The following WDPCP variants were observed in gnomAD, a reference collection of about 807,000 sequenced individuals.
WDPCP encodes the protein WD repeat-containing and planar cell polarity effector protein fritz homolog.
In WDPCP, 71 loss-of-function variants were observed where a neutral mutation model predicts 93.1. The ratio of observed to expected loss-of-function variants is 0.76; its 90% CI spans 0.63 to 0.93. The LOEUF is 0.93. WDPCP is among the 40% of genes least tolerant of loss of function. WDPCP has a pLI of 0.00. For synonymous variants in WDPCP, 315 were observed against 315.0 expected (o/e 1.00, Z 0.00); for missense variants, 844 against 887.4 (o/e 0.95, Z 0.62).
intron 2 of WDPCP, among the ~76,000 whole-genome samples, chr2:63,681,093 G>A (rs1469295540): frequency 6.6e-6 from 1 of 152,126 alleles, no homozygotes; most frequent in African/African-American, 2.4e-5. Context: ...CCGGCTTCAG[G>A]TGAGACCCAG....
chr2:63,129,668 G>A (rs1350396395), intron 17 of WDPCP, among the ~76,000 whole-genome samples: 1 of 151,896 alleles, frequency 6.6e-6, no homozygotes, highest in Non-Finnish European at 1.5e-5. Flanking sequence ...TCTATATTCT[G>A]GTTATTTGTC....
intron 12 of WDPCP, among the ~76,000 whole-genome samples, chr2:63,323,453 C>T (rs1687279706): frequency 6.6e-6 from 1 of 152,210 alleles, no homozygotes; most frequent in Non-Finnish European, 1.5e-5. Context: ...CCTCCTCAGA[C>T]TAGCAGGCCT....
intron 15 of WDPCP, among the ~76,000 whole-genome samples, chr2:63,164,935 A>AC (rs1374970826): frequency 6.6e-5 from 10 of 152,210 alleles, no homozygotes; most frequent in African/African-American, 2.2e-4. Flanking sequence ...ATACCTACTT[A>AC]ACACAAGAGA....
At chr2:63,373,229 T>TTTTC in intron 12 of WDPCP, among the ~76,000 whole-genome samples, 1 of 148,750 alleles carries the variant, frequency 6.7e-6, no homozygotes, top group South Asian at 2.1e-4. Context: ...GACATTTAAA[T>TTTTC]TTTCTTTGTT....
chr2:63,683,282 AATAAAAAGACATAGG>A (rs1386532655), intron 2 of WDPCP, among the ~76,000 whole-genome samples: 2 of 152,192 alleles, frequency 1.3e-5, no homozygotes, highest in Non-Finnish European at 2.9e-5. Flanking sequence ...TATACTCTTC[AATAAAAAGACATAGG>A]GTGGCTGAAT....
chr2:63,159,861 A>G (rs545848505), intron 15 of WDPCP, among the ~76,000 whole-genome samples: 1 of 152,216 alleles, frequency 6.6e-6, no homozygotes, highest in Non-Finnish European at 1.5e-5. Context: ...ACCTTGGGGT[A>G]AGCCCTGGAG....
At chr2:63,199,442 C>T (rs546387931) in intron 14 of WDPCP, among the ~76,000 whole-genome samples, 5 of 152,294 alleles carry the variant, frequency 3.3e-5, no homozygotes, top group East Asian at 3.9e-4. Flanking sequence ...TGCTCTGTGC[C>T]GCCTCCAGAC....
intron 10 of WDPCP, among the ~76,000 whole-genome samples, chr2:63,399,092 C>T (rs1693958578): frequency 6.6e-6 from 1 of 152,064 alleles, no homozygotes; most frequent in Non-Finnish European, 1.5e-5. Context: ...TTTAAAAAAT[C>T]CTTGGAAATT....
chr2:63,229,089 C>A (rs1171143221), intron 14 of WDPCP: 2 of 152,192 alleles, frequency 1.3e-5, no homozygotes, highest in East Asian at 1.9e-4. Context: ...TCCTCTCCAG[C>A]ACATGTTGTT....
At chr2:63,484,537 T>A in intron 6 of WDPCP, 67 bp downstream of exon 6, 2 of 1,579,106 alleles carry the variant, frequency 1.3e-6, no homozygotes, top group Non-Finnish European at 1.7e-6. Flanking sequence ...AACACAAGAA[T>A]ACCAATTACT....
At chr2:63,502,840 T>C (rs1375002384) in intron 1 of WDPCP, among the ~76,000 whole-genome samples, 2 of 151,818 alleles carry the variant, frequency 1.3e-5, no homozygotes, top group African/African-American at 4.8e-5. Context: ...GCTAGTGCTG[T>C]GCAAAGTGCC....
intron 3 of WDPCP, chr2:63,605,188 A>G: frequency 1.2e-6 from 1 of 832,518 alleles, no homozygotes; most frequent in Non-Finnish European, 2.0e-6. Flanking sequence ...AGCTCTGGTC[A>G]TAGCTTTTCA....
At chr2:63,692,106 C>T (rs1325269581) in intron 2 of WDPCP, among the ~76,000 whole-genome samples, 2 of 152,104 alleles carry the variant, frequency 1.3e-5, no homozygotes, top group Non-Finnish European at 2.9e-5. Flanking sequence ...AGATTTCTAG[C>T]TCTACTCTTA....
At position 63,251,618 on chromosome 2, in the gene WDPCP, G is replaced by A. The variant is rs915986565; in HGVS notation, c.1915+7689C>T. 5.3e-5 allele frequency among the ~76,000 whole-genome samples: 8 copies of A among 150,198 alleles called. No homozygotes were observed. The East Asian group carries it at 1.6e-3, about 30-fold the overall frequency. ...GCCATTCTCCTGCCTCAGCCTCCCA[G>A]GTAGCTGGGACTACAGTCACTCACC... On this transcript the variant is annotated intron_variant, in intron 14 of 17. Coordinates refer to ENST00000272321, the MANE Select transcript of WDPCP (RefSeq NM_015910.7).
At chr2:63,654,586 T>C (rs993473159) in intron 2 of WDPCP, among the ~76,000 whole-genome samples, 4 of 152,176 alleles carry the variant, frequency 2.6e-5, no homozygotes, top group Admixed American at 6.5e-5. Flanking sequence ...ATAAGGAACA[T>C]GTTCTTTAGC....
chr2:63,554,097 T>C (rs2106373356), intron 1 of WDPCP, among the ~76,000 whole-genome samples: 1 of 152,358 alleles, frequency 6.6e-6, no homozygotes, highest in South Asian at 2.1e-4. Flanking sequence ...CAATTCAGGA[T>C]CATGCTTTGC....
At chr2:63,458,120 C>T (rs1242433363) in intron 6 of WDPCP, among the ~76,000 whole-genome samples, 3 of 137,102 alleles carry the variant, frequency 2.2e-5, no homozygotes, top group Non-Finnish European at 4.6e-5. Context: ...GAGACTCCGT[C>T]TCAAAAAAAA....
At chr2:63,197,521 A>G (rs1675538713) in intron 14 of WDPCP, among the ~76,000 whole-genome samples, 1 of 152,208 alleles carries the variant, frequency 6.6e-6, no homozygotes, top group African/African-American at 2.4e-5. Flanking sequence ...TAAGAATAAA[A>G]ATAAAAATAT....
intron 2 of WDPCP, among the ~76,000 whole-genome samples, chr2:63,801,661 G>A (rs1189117304): frequency 6.6e-6 from 1 of 152,080 alleles, no homozygotes; most frequent in East Asian, 1.9e-4. Context: ...TGATTGGTGC[G>A]TTTTACAGAG....
Sources: allele counts gnomAD v4.1 joint callset (sites outside exome capture counted in the v4.1 genomes callset), GRCh38; gene constraint gnomAD v4.1.1; transcripts MANE v1.5; gene names NCBI Gene and HGNC (gene_info 2026-07-23, HGNC 2026-07-21).